Variants in SPARCL1 observed in about 807,000 individuals in gnomAD.
SPARCL1 encodes SPARC-like protein 1.
Under a neutral mutation model 67.1 loss-of-function variants are expected in SPARCL1, and 52 were observed. The observed-to-expected ratio is 0.78, with a 90% CI of 0.62 to 0.98. SPARCL1 has a LOEUF of 0.98. SPARCL1 is among the 50% of genes least tolerant of loss of function. SPARCL1 has a pLI of 0.00. For synonymous variants in SPARCL1, 226 were observed against 267.8 expected (o/e 0.84, Z 1.52); for missense variants, 717 against 782.4 (o/e 0.92, Z 1.00).
At chr4:87,520,729 G>A (rs1725777365) in intron 1 of SPARCL1, among the ~76,000 whole-genome samples, 2 of 152,178 alleles carry the variant, frequency 1.3e-5, no homozygotes, top group Admixed American at 6.5e-5. Flanking sequence ...CACTCTACAA[G>A]CTCTGTCCCT....
intron 10 of SPARCL1, among the ~76,000 whole-genome samples, chr4:87,476,783 T>A (rs1723602334): frequency 6.6e-6 from 1 of 152,206 alleles, no homozygotes; most frequent in Non-Finnish European, 1.5e-5. Flanking sequence ...CACAGCTAGT[T>A]AATAACAGCT....
At chr4:87,512,507 G>A (rs955892461) in intron 1 of SPARCL1, among the ~76,000 whole-genome samples, 12 of 151,974 alleles carry the variant, frequency 7.9e-5, no homozygotes, top group African/African-American at 2.9e-4. Context: ...TTTTCCTCTT[G>A]GTGGAAGCTA....
At chr4:87,480,277 A>G in intron 9 of SPARCL1, 95 bp downstream of exon 9, 2 of 1,123,044 alleles carry the variant, frequency 1.8e-6, no homozygotes, top group South Asian at 5.2e-5. Context: ...GAACTGGGAA[A>G]TGTCCTAAAT....
intron 7 of SPARCL1, among the ~76,000 whole-genome samples, chr4:87,489,267 G>C (rs1267502685): frequency 3.3e-5 from 5 of 152,194 alleles, no homozygotes; most frequent in Admixed American, 3.3e-4. Flanking sequence ...AAGACTGTGG[G>C]AAAAGCGTAG....
intron 1 of SPARCL1, among the ~76,000 whole-genome samples, chr4:87,518,907 C>T (rs538976860): frequency 2.6e-5 from 4 of 152,260 alleles, no homozygotes; most frequent in African/African-American, 9.6e-5. Flanking sequence ...TGGGAGGATC[C>T]ACTGAACTAA....
chr4:87,483,414 A>T (rs1384887386), intron 7 of SPARCL1, among the ~76,000 whole-genome samples: 2 of 152,088 alleles, frequency 1.3e-5, no homozygotes, highest in East Asian at 3.9e-4. Flanking sequence ...AAGGACATGA[A>T]CTTATCCTTT....
chr4:87,511,309 T>A (rs1438889165), intron 1 of SPARCL1, among the ~76,000 whole-genome samples: 1 of 152,208 alleles, frequency 6.6e-6, no homozygotes, highest in East Asian at 1.9e-4. Context: ...GTCACATTTC[T>A]CATATGAACA....
At chr4:87,490,429 C>A in intron 6 of SPARCL1, 36 bp from the exon 7 acceptor site, 2 of 1,583,694 alleles carry the variant, frequency 1.3e-6, no homozygotes, top group Non-Finnish European at 1.7e-6. Flanking sequence ...GCTGATAGAG[C>A]CAAATGCTCA....
At position 87,503,670 on chromosome 4, in the gene SPARCL1, GT is replaced by G. The variant is rs1167925834; in HGVS notation, c.-11-4086del. On this transcript the variant is annotated intron_variant, in intron 1 of 10. Coordinates refer to ENST00000282470, the MANE Select transcript of SPARCL1 (RefSeq NM_004684.6). ...CTTTGGTTCTAACTCAGCAAATGAA[GT>G]TTTTTTTTTTCCTTTTTTTTTTTTT... 5.7e-3 allele frequency among the ~76,000 whole-genome samples: 733 copies of G among 128,302 alleles called. 7 individuals are homozygous for G. The highest frequency in any genetic ancestry group is 0.02 in the African/African-American group (678 of 33,386). The allele number at this position is 128,302 out of a possible 152,430, so 84.2% of individuals were successfully genotyped here.
intron 10 of SPARCL1, among the ~76,000 whole-genome samples, chr4:87,474,794 C>G (rs1358018741): frequency 4.4e-4 from 64 of 144,248 alleles, no homozygotes; most frequent in African/African-American, 1.5e-3. Context: ...CCAGGCCAGA[C>G]TGAAGTGGCG....
At chr4:87,481,166 A>C (rs1723806634) in intron 8 of SPARCL1, among the ~76,000 whole-genome samples, 1 of 152,126 alleles carries the variant, frequency 6.6e-6, no homozygotes. Context: ...CAGGACCTCC[A>C]CCTGCTCCCA....
chr4:87,501,403 C>T (rs1724843125), intron 1 of SPARCL1, among the ~76,000 whole-genome samples: 4 of 152,230 alleles, frequency 2.6e-5, no homozygotes, highest in African/African-American at 9.6e-5. Flanking sequence ...AGAAACCACA[C>T]ACAGGAGACA....
intron 1 of SPARCL1, among the ~76,000 whole-genome samples, chr4:87,501,595 C>T (rs1315631825): frequency 6.6e-6 from 1 of 151,760 alleles, no homozygotes; most frequent in Non-Finnish European, 1.5e-5. Flanking sequence ...TGAGTTTTTC[C>T]CCAATGTTTT....
chr4:87,482,351 G>C (rs56755866), intron 8 of SPARCL1, 73 bp downstream of exon 8: 1 of 1,524,412 alleles, frequency 6.6e-7, no homozygotes, highest in Non-Finnish European at 8.9e-7. Context: ...GAGGTAGGTA[G>C]CCCCCCCACC....
chr4:87,474,835 C>CG (rs1176216767), intron 10 of SPARCL1, among the ~76,000 whole-genome samples: 2 of 151,636 alleles, frequency 1.3e-5, no homozygotes, highest in African/African-American at 2.4e-5. Flanking sequence ...CTCCGCCTCC[C>CG]GGGTTCACGC....
chr4:87,494,273 T>C lies in SPARCL1; in HGVS notation c.527A>G (p.Asn176Ser). 3 of 1,614,136 alleles carry C rather than the reference T, an allele frequency of 1.9e-6. No individual in the cohort carries two copies. The highest frequency in any genetic ancestry group is 8.5e-7 in the Non-Finnish European group (1 of 1,180,012). ...GCCTTGGCTATGTTTACTGCTCCTG[T>C]TCAACTGATGATGTGAATAATTTCT... ...QPRNYSHHQL[N>S]RSSKHSQGLR... The change falls in exon 4 of 11, where the codon AAC (asparagine) becomes AGC (serine). Residue 176 changes from asparagine to serine, a missense_variant. By Grantham distance (46) the Asn-to-Ser change is conservative. Transcript: ENST00000282470.
At chr4:87,483,584 C>T (rs977138058) in intron 7 of SPARCL1, among the ~76,000 whole-genome samples, 1 of 152,042 alleles carries the variant, frequency 6.6e-6, no homozygotes, top group Non-Finnish European at 1.5e-5. Flanking sequence ...TGATTTGTAA[C>T]CCTTTGGGTA....
At chr4:87,497,251 A>C (rs1724655505) in intron 2 of SPARCL1, 2 of 982,460 alleles carry the variant, frequency 2.0e-6, no homozygotes, top group Middle Eastern at 5.2e-4. Context: ...TAAGATGGGT[A>C]ATGAATTTGA....
intron 1 of SPARCL1, among the ~76,000 whole-genome samples, chr4:87,514,330 G>A (rs1560452738): frequency 6.6e-6 from 1 of 152,228 alleles, no homozygotes; most frequent in Non-Finnish European, 1.5e-5. Context: ...TTAAGGCATA[G>A]AACAAGTCTA....
Sources: gnomAD v4.1 joint callset for allele counts (sites outside exome capture counted in the v4.1 genomes callset) on GRCh38, gnomAD v4.1.1 for gene constraint, MANE v1.5 for transcripts, NCBI Gene and HGNC (gene_info 2026-07-23, HGNC 2026-07-21) for gene names.